GRID2: variants seen among roughly 807,000 people sequenced by gnomAD.
GRID2 encodes glutamate ionotropic receptor delta type subunit 2, also known as glutamate receptor ionotropic, delta-2.
Under a neutral mutation model 114.8 loss-of-function variants are expected in GRID2, and 33 were observed. The ratio of observed to expected loss-of-function variants is 0.29; its 90% CI spans 0.22 to 0.38. The LOEUF (loss-of-function observed/expected upper bound fraction) is 0.38. Among genes scored for constraint, GRID2 ranks in the 10% least tolerant of loss-of-function variants. The pLI is 1.00. For synonymous variants in GRID2, 505 were observed against 449.9 expected (o/e 1.12, Z -1.55); for missense variants, 1,184 against 1,257.7 (o/e 0.94, Z 0.89).
At chr4:93,475,578 T>A (rs1725244800) in intron 11 of GRID2, among the ~76,000 whole-genome samples, 1 of 152,158 alleles carries the variant, frequency 6.6e-6, no homozygotes, top group Non-Finnish European at 1.5e-5. Flanking sequence ...ATTGAAAATG[T>A]ATTGGCATTC....
At chr4:93,463,441 C>T (rs1369846395) in intron 11 of GRID2, among the ~76,000 whole-genome samples, 1 of 152,144 alleles carries the variant, frequency 6.6e-6, no homozygotes, top group Non-Finnish European at 1.5e-5. Context: ...AATTCTTTCT[C>T]ATGCTCAACT....
At chr4:93,178,730 C>T (rs1051203359) in intron 4 of GRID2, among the ~76,000 whole-genome samples, 5 of 151,726 alleles carry the variant, frequency 3.3e-5, no homozygotes, top group African/African-American at 4.8e-5. Context: ...CTTCTGTATG[C>T]GATGTGTGTG....
chr4:93,603,880 C>G (rs1276631568), intron 13 of GRID2, among the ~76,000 whole-genome samples: 1 of 152,084 alleles, frequency 6.6e-6, no homozygotes, highest in Non-Finnish European at 1.5e-5. Context: ...CTGTTGAGAT[C>G]TACTGCTCAG....
intron 1 of GRID2, among the ~76,000 whole-genome samples, chr4:92,448,123 T>TTTTTA (rs1733564679): frequency 6.7e-6 from 1 of 149,268 alleles, no homozygotes; most frequent in Admixed American, 6.7e-5. Context: ...GTAGTATTGA[T>TTTTTA]TTTTATTTTA....
chr4:92,613,598 G>T (rs545547079), intron 2 of GRID2, among the ~76,000 whole-genome samples: 11 of 151,428 alleles, frequency 7.3e-5, no homozygotes, highest in Non-Finnish European at 1.3e-4. Flanking sequence ...GATCTATTCA[G>T]ATTTTTCTCA....
At chr4:92,672,734 A>G (rs768504868) in intron 2 of GRID2, among the ~76,000 whole-genome samples, 1 of 152,128 alleles carries the variant, frequency 6.6e-6, no homozygotes, top group Non-Finnish European at 1.5e-5. Context: ...TTTAGGGGGC[A>G]CATGTTTATA....
chr4:92,740,856 C>G, intron 2 of GRID2, among the ~76,000 whole-genome samples: 1 of 152,104 alleles, frequency 6.6e-6, no homozygotes, highest in South Asian at 2.1e-4. Flanking sequence ...AAGCCATTCT[C>G]ATGCCTCAGC....
At chr4:92,491,807 T>C (rs1243781996) in intron 1 of GRID2, among the ~76,000 whole-genome samples, 1 of 152,166 alleles carries the variant, frequency 6.6e-6, no homozygotes, top group African/African-American at 2.4e-5. Context: ...CTTCAGTGGA[T>C]GATAAAAGCA....
At chr4:92,377,117 G>A (rs917019735) in intron 1 of GRID2, among the ~76,000 whole-genome samples, 1 of 152,106 alleles carries the variant, frequency 6.6e-6, no homozygotes, top group Non-Finnish European at 1.5e-5. Flanking sequence ...CACATTGTCA[G>A]CCTGCAGGTT....
At chr4:93,366,123 T>TA (rs1762309314) in intron 8 of GRID2, among the ~76,000 whole-genome samples, 1 of 152,010 alleles carries the variant, frequency 6.6e-6, no homozygotes, top group South Asian at 2.1e-4. Context: ...GTGGGCACCT[T>TA]AAAAAAAGAA....
intron 1 of GRID2, among the ~76,000 whole-genome samples, chr4:92,469,295 A>T (rs1721904568): frequency 6.6e-6 from 1 of 152,106 alleles, no homozygotes; most frequent in South Asian, 2.1e-4. Flanking sequence ...CAATCCAATG[A>T]GAATGAAGAA....
intron 2 of GRID2, among the ~76,000 whole-genome samples, chr4:92,664,380 C>G (rs1473668182): frequency 6.6e-6 from 1 of 151,036 alleles, no homozygotes; most frequent in Admixed American, 6.6e-5. Flanking sequence ...AATTTGTTCA[C>G]TTTCTAGCTT....
chr4:93,557,771 T>A (rs568579928), intron 13 of GRID2, among the ~76,000 whole-genome samples: 35 of 152,276 alleles, frequency 2.3e-4, no homozygotes, highest in Non-Finnish European at 4.3e-4. Flanking sequence ...CCACCCCAAA[T>A]CAACAGAACA....
intron 8 of GRID2, among the ~76,000 whole-genome samples, chr4:93,386,303 T>C (rs1486475773): frequency 6.6e-6 from 1 of 152,136 alleles, no homozygotes; most frequent in Non-Finnish European, 1.5e-5. Context: ...TCCACATCTG[T>C]TAAAATTAGC....
At chr4:93,532,259 A>T (rs1731524200) in intron 13 of GRID2, among the ~76,000 whole-genome samples, 1 of 152,138 alleles carries the variant, frequency 6.6e-6, no homozygotes, top group South Asian at 2.1e-4. Context: ...TAACATTTAA[A>T]AATTAAGTGC....
chr4:92,310,461 G>T (rs1725637077), intron 1 of GRID2, among the ~76,000 whole-genome samples: 1 of 151,872 alleles, frequency 6.6e-6, no homozygotes, highest in Admixed American at 6.6e-5. Flanking sequence ...ATGTCTAAAA[G>T]ATAAGAAAAA....
chr4:93,593,752 T>A (rs928348764), intron 13 of GRID2, among the ~76,000 whole-genome samples: 1 of 152,176 alleles, frequency 6.6e-6, no homozygotes, highest in Non-Finnish European at 1.5e-5. Context: ...CTTTGCTCGT[T>A]TCTTTTTATT....
intron 2 of GRID2, among the ~76,000 whole-genome samples, chr4:92,744,360 C>T (rs771995162): frequency 1.2e-4 from 18 of 151,750 alleles, no homozygotes; most frequent in Non-Finnish European, 1.6e-4. Flanking sequence ...TGGTGGCACA[C>T]GCCTGTAATC....
At chr4:92,308,795 C>T (rs574632206) in intron 1 of GRID2, among the ~76,000 whole-genome samples, 9 of 151,846 alleles carry the variant, frequency 5.9e-5, no homozygotes, top group African/African-American at 2.2e-4. Flanking sequence ...ACCCCCAGGA[C>T]TCCTCAAGGA....
Sources: gnomAD v4.1 joint callset for allele counts (sites outside exome capture counted in the v4.1 genomes callset) on GRCh38, gnomAD v4.1.1 for gene constraint, MANE v1.5 for transcripts, NCBI Gene and HGNC (gene_info 2026-07-23, HGNC 2026-07-21) for gene names.